The following CNTN4 variants were observed in gnomAD, a reference collection of about 807,000 sequenced individuals.
CNTN4 encodes the protein contactin 4, also known as contactin-4.
CNTN4 carries 77 observed loss-of-function variants against 122.5 expected under a neutral mutation model. The ratio of observed to expected loss-of-function variants is 0.63; its 90% confidence interval spans 0.52 to 0.76. CNTN4 has a LOEUF of 0.76. CNTN4 is among the 30% of genes least tolerant of loss of function. CNTN4 has a pLI of 0.00. For synonymous variants in CNTN4, 512 were observed against 447.0 expected, an observed-to-expected ratio of 1.15 and a Z score of -1.83; for missense variants, 1,256 against 1,259.1, an observed-to-expected ratio of 1.00 and a Z score of 0.04.
At chr3:2,533,843 C>T (rs2077693822) in intron 3 of CNTN4, among the ~76,000 whole-genome samples, 2 of 152,126 alleles carry the variant, frequency 1.3e-5, no homozygotes, top group Non-Finnish European at 2.9e-5. Context: ...TTTTGATTTG[C>T]ATTTCTTTGA....
chr3:2,408,549 G>A (rs552733247), intron 3 of CNTN4, among the ~76,000 whole-genome samples: 238 of 152,280 alleles, frequency 1.6e-3, no homozygotes, highest in Middle Eastern at 3.4e-3. Context: ...TACATGAAGA[G>A]AATCTTCAAT....
intron 2 of CNTN4, among the ~76,000 whole-genome samples, chr3:2,138,309 C>T (rs2034811505): frequency 1.3e-5 from 2 of 152,228 alleles, no homozygotes; most frequent in South Asian, 4.1e-4. Context: ...CTCAAGTGAT[C>T]CACCTGCCTT....
chr3:2,452,057 C>A (rs574483803), intron 3 of CNTN4, among the ~76,000 whole-genome samples: 2 of 152,234 alleles, frequency 1.3e-5, no homozygotes, highest in South Asian at 4.1e-4. Context: ...CAGGTACATG[C>A]CTAGGTGACA....
In CNTN4 at chr3:2,503,671, A is replaced by G. The variant is rs145393443; in HGVS notation, c.-88-67745A>G. ...TTTCACTCTTAACTTTGACAGAGCT[A>G]TCTCTAAAAGATTGAGAGGATTTTT... is the stretch of plus-strand genomic sequence containing the variant. On this transcript the variant is annotated intron_variant, in intron 3 of 24. Transcript: ENST00000418658. Among the ~76,000 whole-genome samples, 4 of 152,282 alleles carry G rather than the reference A, an allele frequency of 2.6e-5. No homozygotes were observed. The East Asian group carries it at 7.7e-4, about 29-fold the overall frequency.
chr3:2,214,777 G>GT (rs1045026295), intron 2 of CNTN4, among the ~76,000 whole-genome samples: 12 of 151,786 alleles, frequency 7.9e-5, no homozygotes, highest in African/African-American at 2.9e-4. Flanking sequence ...ATCCCAGTAG[G>GT]TACATTAAAA....
rs146525006 is a variant in CNTN4 at position 2,307,202 on chromosome 3, G to T, written c.-144-31976G>T. Among the ~76,000 whole-genome samples, 912 of 152,288 alleles carry T rather than the reference G, an allele frequency of 6.0e-3. 9 individuals are homozygous for T. The highest frequency in any genetic ancestry group is 0.021 in the African/African-American group (863 of 41,576). On this transcript the variant is annotated intron_variant, in intron 2 of 24. Transcript: ENST00000418658. Reference sequence around the variant, plus strand: ...TGTAATCCCAGCACTTTGGGAGGCTGAGGCGGGCAGACCACAAGGTCAGGA... The same window carrying T: ...TGTAATCCCAGCACTTTGGGAGGCTTAGGCGGGCAGACCACAAGGTCAGGA...
chr3:2,677,823 G>A (rs987482272), intron 4 of CNTN4, among the ~76,000 whole-genome samples: 1 of 152,060 alleles, frequency 6.6e-6, no homozygotes, highest in South Asian at 2.1e-4. Flanking sequence ...TTCCTGCAAT[G>A]CATCTTATCA....
intron 2 of CNTN4, among the ~76,000 whole-genome samples, chr3:2,165,467 T>C (rs2036154801): frequency 2.0e-5 from 3 of 152,214 alleles, no homozygotes; most frequent in Admixed American, 1.3e-4. Flanking sequence ...TGTGACAAGA[T>C]TACCACAATC....
intron 2 of CNTN4, among the ~76,000 whole-genome samples, chr3:2,268,334 A>C (rs1318994992): frequency 6.6e-6 from 1 of 152,004 alleles, no homozygotes; most frequent in Non-Finnish European, 1.5e-5. Context: ...TTAAGTCTAA[A>C]AATATGCTTT....
intron 14 of CNTN4, among the ~76,000 whole-genome samples, chr3:2,999,661 A>G (rs1022539204): frequency 4.6e-5 from 7 of 152,084 alleles, no homozygotes; most frequent in African/African-American, 1.7e-4. Flanking sequence ...AGAGGATGGA[A>G]CAGCAAAAGA....
At chr3:2,140,708 C>G (rs2034949450) in intron 2 of CNTN4, among the ~76,000 whole-genome samples, 1 of 152,106 alleles carries the variant, frequency 6.6e-6, no homozygotes, top group Non-Finnish European at 1.5e-5. Flanking sequence ...ATAGCATAGG[C>G]CAATTAAGAA....
At chr3:2,405,341 C>A (rs554781911) in intron 3 of CNTN4, among the ~76,000 whole-genome samples, 1 of 152,130 alleles carries the variant, frequency 6.6e-6, no homozygotes, top group African/African-American at 2.4e-5. Context: ...ATCAGTTCTT[C>A]AAATGCTCTT....
intron 2 of CNTN4, among the ~76,000 whole-genome samples, chr3:2,112,675 C>T (rs1167727919): frequency 2.0e-5 from 3 of 152,144 alleles, no homozygotes; most frequent in African/African-American, 7.2e-5. Context: ...TATCATTAAA[C>T]CTCATTACTT....
chr3:2,863,484 G>C (rs13099231), intron 7 of CNTN4, among the ~76,000 whole-genome samples: 1 of 122,556 alleles, frequency 8.2e-6, no homozygotes, highest in Non-Finnish European at 1.7e-5. Context: ...AAATGGTTAC[G>C]CTGTTATATT....
chr3:2,649,035 G>T (rs942211971), intron 4 of CNTN4, among the ~76,000 whole-genome samples: 4 of 152,164 alleles, frequency 2.6e-5, no homozygotes, highest in African/African-American at 9.7e-5. Context: ...CTTCAATTCT[G>T]TGAAGGCTGA....
chr3:2,373,118 CA>C (rs1028973629), intron 3 of CNTN4, among the ~76,000 whole-genome samples: 2 of 152,126 alleles, frequency 1.3e-5, no homozygotes, highest in Non-Finnish European at 2.9e-5. Flanking sequence ...CTGGGGTTCC[CA>C]AAACTTTTTA....
chr3:2,300,845 A>T (rs2150068755), intron 2 of CNTN4, among the ~76,000 whole-genome samples: 1 of 152,182 alleles, frequency 6.6e-6, no homozygotes, highest in East Asian at 1.9e-4. Flanking sequence ...CTGGGATTAC[A>T]GGTGTGAGCC....
intron 2 of CNTN4, among the ~76,000 whole-genome samples, chr3:2,157,331 C>T: frequency 6.6e-6 from 1 of 151,876 alleles, no homozygotes; most frequent in Non-Finnish European, 1.5e-5. Context: ...GGTGTGCACT[C>T]CGACGAGAAA....
intron 4 of CNTN4, among the ~76,000 whole-genome samples, chr3:2,666,957 A>G (rs1005581585): frequency 1.3e-5 from 2 of 151,932 alleles, no homozygotes; most frequent in African/African-American, 4.8e-5. Flanking sequence ...TCCATGGTGT[A>G]TATGTGCCAC....
Sources: allele counts gnomAD v4.1 joint callset (sites outside exome capture counted in the v4.1 genomes callset), GRCh38; gene constraint gnomAD v4.1.1; transcripts MANE v1.5; gene names NCBI Gene and HGNC (gene_info 2026-07-23, HGNC 2026-07-21).